TMIGD3: variants seen among roughly 807,000 people sequenced by gnomAD.
TMIGD3 encodes transmembrane and immunoglobulin domain containing 3.
Under a neutral mutation model 28.1 loss-of-function variants are expected in TMIGD3, and 21 were observed. The observed-to-expected ratio is 0.75, with a 90% CI of 0.53 to 1.08. TMIGD3 has a LOEUF of 1.08. Ranked by LOEUF, TMIGD3 falls within the 50% of genes least tolerant of loss-of-function variation. The pLI, the probability that TMIGD3 is intolerant of heterozygous loss-of-function variation, is 0.00. For synonymous variants in TMIGD3, 151 were observed against 162.1 expected (o/e 0.93, Z 0.52); for missense variants, 416 against 435.6 (o/e 0.96, Z 0.40).
At chr1:111,533,997 A>G (rs536979185) in intron 1 of TMIGD3, among the ~76,000 whole-genome samples, 1 of 152,326 alleles carries the variant, frequency 6.6e-6, no homozygotes, top group African/African-American at 2.4e-5. Flanking sequence ...AAATTGAGAT[A>G]CTATTAGTAT....
At chr1:111,489,070 A>G in intron 2 of TMIGD3, 46 bp from the exon 3 acceptor site, 3 of 1,477,966 alleles carry the variant, frequency 2.0e-6, no homozygotes, top group Non-Finnish European at 2.8e-6. Flanking sequence ...CACACACACC[A>G]TTGTTCTCTC....
chr1:111,516,848 C>T (rs1389382525), intron 1 of TMIGD3, among the ~76,000 whole-genome samples: 4 of 152,216 alleles, frequency 2.6e-5, no homozygotes, highest in Non-Finnish European at 5.9e-5. Context: ...ACGGCCCCAG[C>T]CCTGAGTGTT....
chr1:111,486,865 C>A (rs1270765661), intron 3 of TMIGD3, among the ~76,000 whole-genome samples: 1 of 152,224 alleles, frequency 6.6e-6, no homozygotes. Flanking sequence ...ATTTAGCCCA[C>A]ACTCTGCTTG....
chr1:111,562,528 G>C (rs767947260), intron 1 of TMIGD3, among the ~76,000 whole-genome samples: 2 of 152,248 alleles, frequency 1.3e-5, no homozygotes, highest in Non-Finnish European at 2.9e-5. Context: ...AAATGTGACA[G>C]ATGATTTGGA....
intron 1 of TMIGD3, among the ~76,000 whole-genome samples, chr1:111,552,234 CA>C (rs1302997204): frequency 6.6e-6 from 1 of 152,156 alleles, no homozygotes; most frequent in Non-Finnish European, 1.5e-5. Flanking sequence ...CAAATATTTC[CA>C]AATGACGACA....
At chr1:111,499,290 G>T in intron 1 of TMIGD3, 1 of 295,972 alleles carries the variant, frequency 3.4e-6, no homozygotes, top group Non-Finnish European at 5.0e-6. Flanking sequence ...CCAGGAATAA[G>T]GATCAGGGTG....
intron 1 of TMIGD3, among the ~76,000 whole-genome samples, chr1:111,556,932 A>C (rs555154466): frequency 0.026 from 3,911 of 152,110 alleles, 152 homozygotes; most frequent in African/African-American, 0.089. Flanking sequence ...TATATTACCA[A>C]GGTTTTTTCA....
chr1:111,538,980 C>T (rs1571447503), intron 1 of TMIGD3, among the ~76,000 whole-genome samples: 1 of 152,220 alleles, frequency 6.6e-6, no homozygotes, highest in Non-Finnish European at 1.5e-5. Context: ...GCCTGATCCC[C>T]AGGACCTACA....
At chr1:111,526,523 C>A (rs1656268296) in intron 1 of TMIGD3, among the ~76,000 whole-genome samples, 1 of 152,142 alleles carries the variant, frequency 6.6e-6, no homozygotes. Context: ...AACCTCTTTC[C>A]TTTATAAATT....
At chr1:111,492,813 CAAAAAAAAAAA>C (rs34093957) in intron 1 of TMIGD3, among the ~76,000 whole-genome samples, 1 of 103,260 alleles carries the variant, frequency 9.7e-6, no homozygotes, top group South Asian at 3.2e-4. Context: ...GATGCTGTCT[CAAAAAAAAAAA>C]AAAAAAAAAG....
intron 1 of TMIGD3, among the ~76,000 whole-genome samples, chr1:111,494,594 C>T (rs903664838): frequency 2.0e-5 from 3 of 152,096 alleles, no homozygotes; most frequent in African/African-American, 7.2e-5. Flanking sequence ...ATTAAAATGG[C>T]CATATTGACC....
At chr1:111,490,534 A>G (rs1557816847) in intron 2 of TMIGD3, 122 bp downstream of exon 2, 1 of 675,674 alleles carries the variant, frequency 1.5e-6, no homozygotes, top group Non-Finnish European at 2.6e-6. Flanking sequence ...TTATTTTCCC[A>G]TCCCACTCCT....
intron 1 of TMIGD3, among the ~76,000 whole-genome samples, chr1:111,530,529 T>C (rs1656424720): frequency 6.6e-6 from 1 of 152,238 alleles, no homozygotes; most frequent in African/African-American, 2.4e-5. Context: ...TCCCTTACTT[T>C]TTATAAGTCT....
rs186210258 is a variant in TMIGD3, at chr1:111,556,568, C to T, written c.107+7278G>A. On this transcript the variant is annotated intron_variant, in intron 1 of 5. Transcript: ENST00000369717. Reference sequence around the variant, plus strand: ...TACATACAATAAAATATTATCCAGCCTTAAAAGGAAAGGAAATTCCAACAC... The same window carrying T: ...TACATACAATAAAATATTATCCAGCTTTAAAAGGAAAGGAAATTCCAACAC... Among the ~76,000 whole-genome samples the T allele has an allele frequency of 2.0e-3, 303 of 152,224 alleles. 1 individual carries two copies. The highest frequency in any genetic ancestry group is 6.9e-3 in the African/African-American group (288 of 41,514).
chr1:111,485,685 C>T, intron 5 of TMIGD3, 55 bp downstream of exon 5: 1 of 1,372,018 alleles, frequency 7.3e-7, no homozygotes, highest in Non-Finnish European at 1.0e-6. Context: ...GCTCCTTGAC[C>T]TCTTTCATTT....
At chr1:111,526,537 C>T (rs1361325264) in intron 1 of TMIGD3, among the ~76,000 whole-genome samples, 2 of 152,112 alleles carry the variant, frequency 1.3e-5, no homozygotes, top group African/African-American at 2.4e-5. Flanking sequence ...ATAAATTACC[C>T]AGTCTTGGGT....
At chr1:111,558,057 G>A (rs750785649) in intron 1 of TMIGD3, among the ~76,000 whole-genome samples, 4 of 151,986 alleles carry the variant, frequency 2.6e-5, no homozygotes, top group Admixed American at 6.6e-5. Flanking sequence ...ATAGGAATAA[G>A]CAAACAGAAA....
Position 111,489,715 on chromosome 1 carries a change from G to A in TMIGD3, c.458-691C>T, listed in dbSNP as rs976978208. On this transcript the variant is annotated intron_variant, in intron 2 of 5. Coordinates refer to ENST00000369716, the MANE Select transcript of TMIGD3 (RefSeq NM_020683.7). ...CTCCCACCCTACCTTAGCACCCTCA[G>A]AAAGAAAGTGATGTTTGGAGGCTTC... is the stretch of plus-strand genomic sequence containing the variant. 5.6e-6 allele frequency: 6 copies of A among 1,071,586 alleles called. No individual in the cohort carries two copies. The African/African-American group carries it at 8.5e-5, about 15-fold the overall frequency. The allele number at this position is 1,071,586 out of a possible 1,614,324, so 66.4% of individuals were successfully genotyped here.
Position 111,503,455 on chromosome 1 carries a change from C to A in TMIGD3, c.-101G>T. 1 of 1,478,566 alleles carries A rather than the reference C, an allele frequency of 6.8e-7. No individual in the cohort carries two copies. Among genetic ancestry groups the A allele is most frequent in the South Asian group, 1.4e-5 (1 of 72,732 alleles). 91.6% of individuals were successfully genotyped at this position (1,478,566 alleles called of 1,614,324 possible). On this transcript the variant is annotated 5_prime_UTR_variant, in exon 1 of 6. The change abolishes an upstream ATG in the 5' untranslated region. Transcript: ENST00000369716. Reference sequence around the variant, plus strand: ...CTCGCCAGACGTCTTCCCAGAGGTCCATGTGCAGTGACAGTCTAAAATTCC... The same window carrying A: ...CTCGCCAGACGTCTTCCCAGAGGTCAATGTGCAGTGACAGTCTAAAATTCC...
Sources: gnomAD v4.1 joint callset for allele counts (sites outside exome capture counted in the v4.1 genomes callset) on GRCh38, gnomAD v4.1.1 for gene constraint, MANE v1.5 for transcripts, NCBI Gene and HGNC (gene_info 2026-07-23, HGNC 2026-07-21) for gene names.